CRISP2: variants seen among roughly 807,000 people sequenced by gnomAD.
The protein encoded by CRISP2 is cysteine-rich secretory protein 2.
CRISP2 carries 29 observed loss-of-function variants against 31.7 expected under a neutral mutation model. That is an observed-to-expected ratio of 0.92 (90% CI 0.68 to 1.25). The LOEUF (loss-of-function observed/expected upper bound fraction) is 1.25. Ranked by LOEUF, CRISP2 falls within the 50% of genes most tolerant of loss-of-function variation. CRISP2 has a pLI of 0.00. For synonymous variants in CRISP2, 111 were observed against 101.4 expected, an observed-to-expected ratio of 1.09 and a Z score of -0.57; for missense variants, 318 against 286.5, an observed-to-expected ratio of 1.11 and a Z score of -0.79.
downstream of CRISP2, among the ~76,000 whole-genome samples, chr6:49,689,345 G>A (rs534777260): frequency 2.0e-5 from 3 of 151,976 alleles, no homozygotes; most frequent in Admixed American, 2.0e-4. Flanking sequence ...TTATCATATT[G>A]GGCTATAATT....
chr6:49,686,401 C>T, the CRISP2 span, among the ~76,000 whole-genome samples: 5 of 152,142 alleles, frequency 3.3e-5, no homozygotes, highest in Admixed American at 2.0e-4. Flanking sequence ...TTCTAAAGGA[C>T]TGGTAGAGTA....
At chr6:49,710,129 C>A (rs576942904) in intron 3 of CRISP2, among the ~76,000 whole-genome samples, 65 of 152,288 alleles carry the variant, frequency 4.3e-4, no homozygotes, top group African/African-American at 1.5e-3. Flanking sequence ...AAATTCCGAA[C>A]AATTTATCTG....
intron 9 of CRISP2, among the ~76,000 whole-genome samples, 161 bp from the exon 10 acceptor site, chr6:49,693,061 T>C (rs1324351835): frequency 3.9e-5 from 6 of 152,166 alleles, no homozygotes; most frequent in Admixed American, 3.9e-4. Context: ...TAGTATTCCA[T>C]GGTGTATATG....
rs116542918 is a variant in CRISP2, at chr6:49,697,560, A to G, written c.515+300T>C. 1.7e-3 allele frequency: 811 copies of G among 478,940 alleles called. 7 individuals are homozygous for G. Among genetic ancestry groups the G allele is most frequent in the African/African-American group, 0.014 (680 of 49,790 alleles). The allele number at this position is 478,940 out of a possible 1,614,324, so 29.7% of individuals were successfully genotyped here. A position where few individuals can be genotyped will look rare whatever the true frequency, so the allele number is the denominator to read the frequency against. ...AAATTAGCAAGATGTGATGATACCAATTCTAGAGAAATACATATTACACAT... is the reference window on the plus strand; with the variant it reads ...AAATTAGCAAGATGTGATGATACCAGTTCTAGAGAAATACATATTACACAT... On this transcript the variant is annotated intron_variant, in intron 8 of 9. Transcript: ENST00000339139.
chr6:49,677,620 C>T, the CRISP2 span, among the ~76,000 whole-genome samples: 1 of 152,160 alleles, frequency 6.6e-6, no homozygotes, highest in Non-Finnish European at 1.5e-5. Context: ...TCACAAAATA[C>T]AGTCCTGTGG....
intron 4 of CRISP2, among the ~76,000 whole-genome samples, chr6:49,701,716 A>ATGTATACATTATATATATAT (rs1434401055): frequency 1.6e-5 from 1 of 61,876 alleles, no homozygotes; most frequent in African/African-American, 5.9e-5. Context: ...ATACATATAT[A>ATGTATACATTATATATATAT]ATGTATATAT....
intron 4 of CRISP2, among the ~76,000 whole-genome samples, chr6:49,702,186 A>G (rs1330169326): frequency 9.6e-6 from 1 of 104,200 alleles, no homozygotes; most frequent in South Asian, 3.0e-4. Context: ...TATATATAAC[A>G]TTTTCTTTAT....
intron 9 of CRISP2, 135 bp from the exon 10 acceptor site, chr6:49,693,035 T>A (rs1001897149): frequency 3.9e-5 from 31 of 804,008 alleles, no homozygotes; most frequent in Non-Finnish European, 5.7e-5. Context: ...GGGTCTTTCA[T>A]GTCTTTATGG....
chr6:49,690,753 T>C (rs1764024047), downstream of CRISP2, among the ~76,000 whole-genome samples: 1 of 152,038 alleles, frequency 6.6e-6, no homozygotes, highest in African/African-American at 2.4e-5. Context: ...GTCATTAACA[T>C]TTTGAAAAAT....
In CRISP2 at chr6:49,700,420, A is replaced by C. The variant is rs528794168; in HGVS notation, c.183+248T>G. Among the ~76,000 whole-genome samples the C allele has an allele frequency of 8.4e-4, 128 of 152,292 alleles. 1 individual carries two copies. The South Asian group carries it at 0.016, about 18-fold the overall frequency. ...TTAACAAAAAGTGTAATGGCTTAAC[A>C]CTGAATGCCTGAATATTTGACTTCC... On this transcript the variant is annotated intron_variant, in intron 5 of 9. Transcript: ENST00000339139.
intron 4 of CRISP2, among the ~76,000 whole-genome samples, chr6:49,705,042 T>C (rs1342439351): frequency 6.6e-6 from 1 of 152,136 alleles, no homozygotes; most frequent in Non-Finnish European, 1.5e-5. Flanking sequence ...ATTCAGGTTT[T>C]TCAGGTGATG....
downstream of CRISP2, among the ~76,000 whole-genome samples, chr6:49,687,767 C>T (rs540658968): frequency 7.9e-5 from 12 of 152,248 alleles, no homozygotes; most frequent in Admixed American, 5.2e-4. Flanking sequence ...GATCACACAA[C>T]GTGGGTTTCT....
chr6:49,703,310 T>C (rs545051425), intron 4 of CRISP2, among the ~76,000 whole-genome samples: 38 of 152,248 alleles, frequency 2.5e-4, no homozygotes, highest in South Asian at 1.9e-3. Context: ...GGCTTTTTTT[T>C]TGGCTCCATA....
chr6:49,678,371 T>G, the CRISP2 span, among the ~76,000 whole-genome samples: 1 of 152,176 alleles, frequency 6.6e-6, no homozygotes, highest in Non-Finnish European at 1.5e-5. Context: ...AATGCCATTC[T>G]AACTCTAGAG....
At chr6:49,700,857 C>T (rs1765547381) in intron 4 of CRISP2, 73 bp from the exon 5 acceptor site, 1 of 959,074 alleles carries the variant, frequency 1.0e-6, no homozygotes, top group Admixed American at 1.9e-5. Flanking sequence ...TAAGTTAATT[C>T]AAGAGAACAA....
At chr6:49,683,422 C>T in the CRISP2 span, among the ~76,000 whole-genome samples, 1 of 150,654 alleles carries the variant, frequency 6.6e-6, no homozygotes, top group Non-Finnish European at 1.5e-5. Context: ...TGCCTGTAAT[C>T]CCAGCACTTT....
At chr6:49,684,149 G>A in the CRISP2 span, among the ~76,000 whole-genome samples, 146 of 152,054 alleles carry the variant, frequency 9.6e-4, 1 homozygote, top group African/African-American at 3.0e-3. Context: ...GAATATAATC[G>A]TCCCTCAGTA....
chr6:49,700,211 T>G (rs976558762), intron 5 of CRISP2, among the ~76,000 whole-genome samples: 2 of 152,188 alleles, frequency 1.3e-5, no homozygotes, highest in Non-Finnish European at 2.9e-5. Flanking sequence ...AATTATATTT[T>G]AATAGTAATA....
At chr6:49,691,409 T>C (rs931195307), downstream of CRISP2, among the ~76,000 whole-genome samples, 4 of 152,068 alleles carry the variant, frequency 2.6e-5, no homozygotes, top group Non-Finnish European at 5.9e-5. Context: ...GAGCTATATA[T>C]ACAATGAATA....
Sources: allele counts gnomAD v4.1 joint callset (sites outside exome capture counted in the v4.1 genomes callset), GRCh38; gene constraint gnomAD v4.1.1; transcripts MANE v1.5; gene names NCBI Gene and HGNC (gene_info 2026-07-23, HGNC 2026-07-21).